MITF: variants seen among roughly 807,000 people sequenced by gnomAD.
MITF encodes microphthalmia-associated transcription factor.
MITF carries 17 observed loss-of-function variants against 60.5 expected under a neutral mutation model. That is an observed-to-expected ratio of 0.28 (90% CI 0.19 to 0.42). The LOEUF (loss-of-function observed/expected upper bound fraction) is 0.42, where lower values mean the gene tolerates loss of function less well. MITF is among the 10% of genes least tolerant of loss of function. The pLI, the probability that MITF is intolerant of heterozygous loss-of-function variation, is 1.00. For synonymous variants in MITF, 260 were observed against 248.5 expected (o/e 1.05, Z -0.43); for missense variants, 622 against 683.5 (o/e 0.91, Z 1.00).
chr3:69,950,448 T>TTATATATATATATA (rs10604038), intron 6 of MITF, among the ~76,000 whole-genome samples: 28 of 130,780 alleles, frequency 2.1e-4, no homozygotes, highest in East Asian at 9.1e-4. Flanking sequence ...AACTTCTGAG[T>TTATATATATATATA]TATATATATA....
At chr3:69,850,642 T>C (rs1206399131) in intron 1 of MITF, among the ~76,000 whole-genome samples, 2 of 152,214 alleles carry the variant, frequency 1.3e-5, no homozygotes, top group Admixed American at 6.5e-5. Flanking sequence ...ACCGATGTGC[T>C]GTCATTAACT....
intron 2 of MITF, among the ~76,000 whole-genome samples, chr3:69,882,549 T>A (rs968403636): frequency 5.3e-5 from 8 of 152,112 alleles, no homozygotes; most frequent in Non-Finnish European, 8.8e-5. Flanking sequence ...TATTTTGAGT[T>A]GTGAATTAAC....
intron 2 of MITF, among the ~76,000 whole-genome samples, chr3:69,909,863 C>G (rs1340726637): frequency 2.0e-5 from 3 of 152,120 alleles, no homozygotes; most frequent in Non-Finnish European, 2.9e-5. Flanking sequence ...AAATTTGCAG[C>G]CTGATGATGC....
chr3:69,826,243 A>G (rs2107073601), intron 1 of MITF, among the ~76,000 whole-genome samples: 1 of 152,242 alleles, frequency 6.6e-6, no homozygotes, highest in African/African-American at 2.4e-5. Flanking sequence ...TTAACTACCA[A>G]CTGCATAGAT....
intron 1 of MITF, among the ~76,000 whole-genome samples, chr3:69,802,712 A>AGGATGTTT (rs2062942206): frequency 1.5e-5 from 1 of 66,434 alleles, no homozygotes; most frequent in Non-Finnish European, 2.8e-5. Flanking sequence ...TTTTTTTTAG[A>AGGATGTTT]GGATGTTTGG....
chr3:69,770,060 A>G (rs986790174), intron 1 of MITF, among the ~76,000 whole-genome samples: 41 of 152,328 alleles, frequency 2.7e-4, no homozygotes, highest in African/African-American at 9.6e-4. Context: ...TCAGATAGAT[A>G]TTTGTGTATG....
At chr3:69,855,156 C>G (rs569157689) in intron 1 of MITF, among the ~76,000 whole-genome samples, 1 of 150,362 alleles carries the variant, frequency 6.7e-6, no homozygotes, top group Non-Finnish European at 1.5e-5. Context: ...GTGTGACTCT[C>G]TTTGCCCTAA....
At chr3:69,746,687 AT>A (rs1303899741) in intron 1 of MITF, among the ~76,000 whole-genome samples, 9 of 152,246 alleles carry the variant, frequency 5.9e-5, no homozygotes, top group Admixed American at 5.9e-4. Context: ...AGCTTTTGAT[AT>A]TATAAAGGCA....
intron 1 of MITF, among the ~76,000 whole-genome samples, chr3:69,849,158 G>T (rs1644297039): frequency 6.6e-6 from 1 of 151,252 alleles, no homozygotes; most frequent in Non-Finnish European, 1.5e-5. Context: ...TAGAGACGGG[G>T]TTTCACCATT....
chr3:69,896,043 T>A (rs2064869786), intron 2 of MITF, among the ~76,000 whole-genome samples: 1 of 152,074 alleles, frequency 6.6e-6, no homozygotes, highest in African/African-American at 2.4e-5. Flanking sequence ...ATCCTAGCTC[T>A]GTCCTTTGAT....
intron 1 of MITF, among the ~76,000 whole-genome samples, chr3:69,833,379 G>C (rs1199149738): frequency 1.3e-5 from 2 of 152,054 alleles, no homozygotes; most frequent in African/African-American, 4.8e-5. Flanking sequence ...CACTGTATGT[G>C]GTTGTTTCCC....
intron 1 of MITF, among the ~76,000 whole-genome samples, chr3:69,858,946 T>C (rs1196616273): frequency 6.6e-6 from 1 of 152,208 alleles, no homozygotes; most frequent in African/African-American, 2.4e-5. Context: ...GTGCTATTTT[T>C]CTTGTACCAT....
At chr3:69,788,946 A>G (rs2062695742) in intron 1 of MITF, among the ~76,000 whole-genome samples, 1 of 152,194 alleles carries the variant, frequency 6.6e-6, no homozygotes, top group Non-Finnish European at 1.5e-5. Flanking sequence ...TATTAACTCA[A>G]GATGGATTCA....
At chr3:69,851,537 A>G (rs1559674045) in intron 1 of MITF, among the ~76,000 whole-genome samples, 1 of 152,222 alleles carries the variant, frequency 6.6e-6, no homozygotes, top group Non-Finnish European at 1.5e-5. Flanking sequence ...TGCACTTGCT[A>G]AGGGACAAAA....
At chr3:69,824,080 C>A (rs2063318539) in intron 1 of MITF, among the ~76,000 whole-genome samples, 1 of 152,180 alleles carries the variant, frequency 6.6e-6, no homozygotes, top group Non-Finnish European at 1.5e-5. Flanking sequence ...AGTCTGTCAG[C>A]ATTTGTCAGA....
chr3:69,823,245 A>G (rs936838396), intron 1 of MITF, among the ~76,000 whole-genome samples: 2 of 152,162 alleles, frequency 1.3e-5, no homozygotes, highest in Admixed American at 6.5e-5. Context: ...TATGCAGCAT[A>G]TAGTTGGATT....
chr3:69,831,282 A>G (rs1264749136), intron 1 of MITF, among the ~76,000 whole-genome samples: 1 of 152,136 alleles, frequency 6.6e-6, no homozygotes, highest in Non-Finnish European at 1.5e-5. Context: ...GGTCTGGACA[A>G]TCGACATGGA....
intron 1 of MITF, among the ~76,000 whole-genome samples, chr3:69,746,057 C>T (rs1703713502): frequency 6.6e-6 from 1 of 152,188 alleles, no homozygotes; most frequent in African/African-American, 2.4e-5. Context: ...GTGCCTCAAC[C>T]TGCAGATGTT....
intron 1 of MITF, among the ~76,000 whole-genome samples, chr3:69,867,137 G>A (rs1456470879): frequency 2.0e-5 from 3 of 152,120 alleles, no homozygotes; most frequent in Non-Finnish European, 4.4e-5. Flanking sequence ...AGGCATTCAA[G>A]CAAATCAACT....
Sources: allele counts gnomAD v4.1 joint callset (sites outside exome capture counted in the v4.1 genomes callset), GRCh38; gene constraint gnomAD v4.1.1; transcripts MANE v1.5; gene names NCBI Gene and HGNC (gene_info 2026-07-23, HGNC 2026-07-21).